ACTR3C: variants seen among roughly 807,000 people sequenced by gnomAD.
The protein encoded by ACTR3C is actin-related protein 3C.
ACTR3C carries 18 observed loss-of-function variants against 26.3 expected under a neutral mutation model. The ratio of observed to expected loss-of-function variants is 0.68; its 90% CI spans 0.47 to 1.01. ACTR3C has a LOEUF of 1.01. Ranked by LOEUF, ACTR3C falls within the 50% of genes least tolerant of loss-of-function variation. The pLI, the probability that ACTR3C is intolerant of heterozygous loss-of-function variation, is 0.00. For missense variants in ACTR3C, 184 were observed against 250.7 expected (o/e 0.73, Z 1.80); for synonymous variants, 55 against 94.5 (o/e 0.58, Z 2.42).
the ACTR3C span, among the ~76,000 whole-genome samples, chr7:149,936,842 G>A: frequency 1.3e-5 from 2 of 151,846 alleles, no homozygotes; most frequent in Non-Finnish European, 2.9e-5. Flanking sequence ...AGGCTGGAGT[G>A]CAGTGGTATG....
chr7:149,938,153 C>T, the ACTR3C span, among the ~76,000 whole-genome samples: 4 of 152,198 alleles, frequency 2.6e-5, no homozygotes, highest in Non-Finnish European at 4.4e-5. Flanking sequence ...GGAGAGTCCT[C>T]AGTTTAAAAG....
intron 6 of ACTR3C, among the ~76,000 whole-genome samples, chr7:150,253,738 G>A (rs541782912): frequency 7.5e-4 from 114 of 151,874 alleles, no homozygotes; most frequent in African/African-American, 2.6e-3. Flanking sequence ...ATCCTTTTTA[G>A]TGGCAAGCGG....
chr7:150,174,157 T>C, the ACTR3C span, among the ~76,000 whole-genome samples: 2 of 138,342 alleles, frequency 1.4e-5, no homozygotes, highest in African/African-American at 3.3e-5. Context: ...ATGAATTTAC[T>C]GCATTAGTTT....
chr7:149,977,288 C>T, the ACTR3C span, among the ~76,000 whole-genome samples: 3 of 152,162 alleles, frequency 2.0e-5, no homozygotes, highest in Non-Finnish European at 4.4e-5. Flanking sequence ...ACAGCCTCAC[C>T]ATTGTTGAGA....
the ACTR3C span, among the ~76,000 whole-genome samples, chr7:149,929,641 C>T: frequency 4.7e-5 from 7 of 150,342 alleles, no homozygotes; most frequent in South Asian, 1.5e-3. Context: ...AAGCGATTCT[C>T]CTGAGCAGCC....
intron 1 of ACTR3C, among the ~76,000 whole-genome samples, chr7:150,306,731 A>T (rs1795836532): frequency 6.6e-6 from 1 of 152,212 alleles, no homozygotes; most frequent in Non-Finnish European, 1.5e-5. Context: ...AGACCCAAAG[A>T]CAAGCAGCTT....
At chr7:150,141,097 A>G in the ACTR3C span, among the ~76,000 whole-genome samples, 2 of 152,396 alleles carry the variant, frequency 1.3e-5, no homozygotes, top group Admixed American at 1.3e-4. Context: ...AGGAAGCTGC[A>G]GAAGAAAAGC....
the ACTR3C span, among the ~76,000 whole-genome samples, chr7:150,042,574 C>CGT: frequency 7.0e-6 from 1 of 143,064 alleles, no homozygotes; most frequent in African/African-American, 2.9e-5. Context: ...GTCCCCGCCT[C>CGT]GCGGGGGGTG....
the ACTR3C span, among the ~76,000 whole-genome samples, chr7:150,100,604 A>G: frequency 1.3e-5 from 2 of 151,754 alleles, no homozygotes; most frequent in African/African-American, 2.4e-5. Flanking sequence ...CACTAAACAC[A>G]TATGGTATTG....
At chr7:150,066,855 T>C in the ACTR3C span, among the ~76,000 whole-genome samples, 5 of 152,374 alleles carry the variant, frequency 3.3e-5, no homozygotes, top group South Asian at 1.0e-3. Context: ...AAACACTTGT[T>C]CTTGTGTGCA....
chr7:150,008,402 G>A, the ACTR3C span, among the ~76,000 whole-genome samples: 19 of 152,196 alleles, frequency 1.2e-4, no homozygotes, highest in African/African-American at 4.1e-4. Flanking sequence ...AGCCGGAGCC[G>A]CACGTGGCTC....
the ACTR3C span, among the ~76,000 whole-genome samples, chr7:150,094,169 T>G: frequency 2.0e-5 from 3 of 150,594 alleles, no homozygotes; most frequent in Non-Finnish European, 4.4e-5. Flanking sequence ...CTCCATTTGT[T>G]GAGCCCTTTT....
chr7:150,223,617 A>C, the ACTR3C span, among the ~76,000 whole-genome samples: 7 of 151,932 alleles, frequency 4.6e-5, no homozygotes, highest in Non-Finnish European at 8.8e-5. Flanking sequence ...TTACAACATG[A>C]TAAACCCATC....
the ACTR3C span, among the ~76,000 whole-genome samples, chr7:150,090,922 G>T: frequency 6.6e-6 from 1 of 152,206 alleles, no homozygotes; most frequent in Admixed American, 6.5e-5. Flanking sequence ...CCTCTGGAGT[G>T]AGGCAGAATC....
chr7:150,067,845 AAG>A, the ACTR3C span, among the ~76,000 whole-genome samples: 1 of 150,454 alleles, frequency 6.6e-6, no homozygotes, highest in Non-Finnish European at 1.5e-5. Context: ...ACACATTTTA[AAG>A]AGAGAGGGGA....
the ACTR3C span, among the ~76,000 whole-genome samples, chr7:150,158,228 G>T: frequency 6.6e-6 from 1 of 152,044 alleles, no homozygotes; most frequent in Non-Finnish European, 1.5e-5. Context: ...GGGAAAAACT[G>T]CATGCTGTTG....
the ACTR3C span, among the ~76,000 whole-genome samples, chr7:150,199,725 CAAAAAAAAA>C: frequency 0.037 from 3,177 of 86,094 alleles, 201 homozygotes; most frequent in African/African-American, 0.15. Flanking sequence ...ATATTTTTAT[CAAAAAAAAA>C]AAAAAAAAAA....
downstream of ACTR3C, among the ~76,000 whole-genome samples, chr7:150,239,538 C>CTATATATATA (rs1421039729): frequency 3.8e-5 from 4 of 104,214 alleles, no homozygotes; most frequent in East Asian, 2.8e-4. Context: ...CTCTCTCTCT[C>CTATATATATA]TCTATATATA....
chr7:149,940,958 C>G, the ACTR3C span, among the ~76,000 whole-genome samples: 3 of 151,852 alleles, frequency 2.0e-5, no homozygotes, highest in African/African-American at 4.8e-5. Context: ...GGCCTGGGGC[C>G]CCTTAAGTCT....
Sources: allele counts gnomAD v4.1 joint callset (sites outside exome capture counted in the v4.1 genomes callset), GRCh38; gene constraint gnomAD v4.1.1; transcripts MANE v1.5; gene names NCBI Gene and HGNC (gene_info 2026-07-23, HGNC 2026-07-21).